SAMD12: variants seen among roughly 807,000 people sequenced by gnomAD.
SAMD12 encodes sterile alpha motif domain containing 12.
A neutral mutation model predicts 15.0 loss-of-function variants in SAMD12; 9 were observed. The ratio of observed to expected loss-of-function variants is 0.60; its 90% confidence interval spans 0.36 to 1.05. The LOEUF (loss-of-function observed/expected upper bound fraction) is 1.05, where lower values mean the gene tolerates loss of function less well. SAMD12 is among the 50% of genes least tolerant of loss of function. The pLI is 0.01. For synonymous variants in SAMD12, 86 were observed against 90.1 expected (o/e 0.96, Z 0.25); for missense variants, 230 against 234.2 (o/e 0.98, Z 0.12).
chr8:118,390,699 C>T (rs1438475715), intron 3 of SAMD12, among the ~76,000 whole-genome samples: 2 of 152,124 alleles, frequency 1.3e-5, no homozygotes, highest in Non-Finnish European at 2.9e-5. Context: ...TACCTGAGAG[C>T]GCTGCCCACC....
At chr8:118,425,854 A>G (rs140126887) in intron 3 of SAMD12, among the ~76,000 whole-genome samples, 2 of 152,204 alleles carry the variant, frequency 1.3e-5, no homozygotes, top group East Asian at 3.9e-4. Flanking sequence ...CCATTTCAGA[A>G]CCCCACTCTG....
At chr8:118,463,219 G>A (rs1018237111) in intron 2 of SAMD12, among the ~76,000 whole-genome samples, 2 of 152,140 alleles carry the variant, frequency 1.3e-5, no homozygotes, top group Non-Finnish European at 2.9e-5. Context: ...CTTCCCAGGT[G>A]GTGGGGCTAG....
intron 4 of SAMD12, among the ~76,000 whole-genome samples, chr8:118,348,618 C>T (rs1449844186): frequency 6.6e-6 from 1 of 151,930 alleles, no homozygotes; most frequent in Non-Finnish European, 1.5e-5. Context: ...GTGATCTGCC[C>T]ACCTCGGCCT....
At chr8:118,399,115 C>CCT (rs1340491646) in intron 3 of SAMD12, among the ~76,000 whole-genome samples, 2 of 151,998 alleles carry the variant, frequency 1.3e-5, no homozygotes, top group African/African-American at 2.4e-5. Context: ...AACTCCTGGC[C>CCT]TTAAGCAATC....
intron 4 of SAMD12, among the ~76,000 whole-genome samples, chr8:118,309,570 T>C (rs951676727): frequency 9.2e-5 from 14 of 152,294 alleles, no homozygotes; most frequent in African/African-American, 2.9e-4. Flanking sequence ...AGTAGTGGGA[T>C]TGCTGAATCA....
intron 2 of SAMD12, among the ~76,000 whole-genome samples, chr8:118,460,034 G>T (rs78996902): frequency 1.3e-5 from 2 of 152,164 alleles, no homozygotes; most frequent in Admixed American, 1.3e-4. Context: ...GGTGGTTAGG[G>T]TCACTTCCTA....
the SAMD12 span, among the ~76,000 whole-genome samples, chr8:118,149,949 C>T: frequency 6.6e-6 from 1 of 152,136 alleles, no homozygotes; most frequent in Non-Finnish European, 1.5e-5. Flanking sequence ...ATCTTGCAAC[C>T]AATACCACAT....
intron 3 of SAMD12, among the ~76,000 whole-genome samples, chr8:118,434,519 T>G (rs1345585570): frequency 6.6e-6 from 1 of 152,170 alleles, no homozygotes; most frequent in African/African-American, 2.4e-5. Flanking sequence ...GATAGAGGAT[T>G]TGAAGCCAAA....
At chr8:118,153,913 T>C in the SAMD12 span, among the ~76,000 whole-genome samples, 1 of 152,110 alleles carries the variant, frequency 6.6e-6, no homozygotes, top group South Asian at 2.1e-4. Context: ...TTTAGATCTC[T>C]TTACTCTACA....
At chr8:118,501,529 C>G (rs1824782322) in intron 2 of SAMD12, among the ~76,000 whole-genome samples, 1 of 152,126 alleles carries the variant, frequency 6.6e-6, no homozygotes. Context: ...GTGGATGTGG[C>G]CTGGCAATCT....
Position 118,280,493 on chromosome 8 carries a change from C to T in SAMD12, c.434-82761G>A, listed in dbSNP as rs530427973. ...AGACTCTGTATTAATAGAAATATGG[C>T]GAAGGTGGCCTGAATGTTGCTGATA... On this transcript the variant is annotated intron_variant, in intron 4 of 4. Transcript: ENST00000409003. 1.1e-4 allele frequency among the ~76,000 whole-genome samples: 17 copies of T among 152,062 alleles called. No homozygotes were observed. The East Asian group carries it at 1.5e-3, about 14-fold the overall frequency.
intron 3 of SAMD12, among the ~76,000 whole-genome samples, chr8:118,430,001 C>T (rs1267457154): frequency 1.3e-5 from 2 of 152,124 alleles, no homozygotes; most frequent in African/African-American, 2.4e-5. Flanking sequence ...GTTACCTGTA[C>T]GTTCACCATA....
the SAMD12 span, among the ~76,000 whole-genome samples, chr8:118,135,108 C>G: frequency 1.3e-5 from 2 of 152,166 alleles, no homozygotes; most frequent in African/African-American, 4.8e-5. Flanking sequence ...GTAAAGGACA[C>G]ATACCAGTTA....
At chr8:118,325,523 C>T (rs1816525055) in intron 4 of SAMD12, among the ~76,000 whole-genome samples, 1 of 152,130 alleles carries the variant, frequency 6.6e-6, no homozygotes, top group African/African-American at 2.4e-5. Context: ...AAAATGCTTG[C>T]CACAATCAAA....
intron 4 of SAMD12, among the ~76,000 whole-genome samples, chr8:118,278,492 G>A (rs768101525): frequency 6.6e-6 from 1 of 152,212 alleles, no homozygotes; most frequent in Non-Finnish European, 1.5e-5. Flanking sequence ...CATCTGGGAA[G>A]CCTAGAGAAC....
intron 4 of SAMD12, among the ~76,000 whole-genome samples, chr8:118,206,170 T>C (rs1349454173): frequency 1.3e-5 from 2 of 152,212 alleles, no homozygotes; most frequent in African/African-American, 4.8e-5. Context: ...TTTCCAATGA[T>C]TCAGAATGTC....
intron 1 of SAMD12, among the ~76,000 whole-genome samples, chr8:118,618,094 G>A (rs745719937): frequency 4.0e-5 from 6 of 151,772 alleles, no homozygotes; most frequent in East Asian, 3.9e-4. Flanking sequence ...CAGACCATAA[G>A]GTCGTACCCT....
At chr8:118,248,955 ATGTG>A (rs1019894260) in intron 4 of SAMD12, among the ~76,000 whole-genome samples, 1 of 152,020 alleles carries the variant, frequency 6.6e-6, no homozygotes, top group Admixed American at 6.6e-5. Flanking sequence ...AATAAAAGGC[ATGTG>A]TGTGTGTGTA....
At chr8:118,236,031 T>C (rs936317117) in intron 4 of SAMD12, among the ~76,000 whole-genome samples, 1 of 152,206 alleles carries the variant, frequency 6.6e-6, no homozygotes, top group Non-Finnish European at 1.5e-5. Flanking sequence ...ACCCACCTTC[T>C]ATGGTTGTTG....
Sources: allele counts gnomAD v4.1 joint callset (sites outside exome capture counted in the v4.1 genomes callset), GRCh38; gene constraint gnomAD v4.1.1; transcripts MANE v1.5; gene names NCBI Gene and HGNC (gene_info 2026-07-23, HGNC 2026-07-21).